SYNDIG1: variants seen among roughly 807,000 people sequenced by gnomAD.
The protein encoded by SYNDIG1 is synapse differentiation inducing 1.
A neutral mutation model predicts 19.4 loss-of-function variants in SYNDIG1; 9 were observed. The ratio of observed to expected loss-of-function variants is 0.46; its 90% confidence interval spans 0.28 to 0.81. The LOEUF is 0.81. SYNDIG1 is among the 30% of genes least tolerant of loss of function. The pLI is 0.12. For synonymous variants in SYNDIG1, 141 were observed against 145.9 expected, an observed-to-expected ratio of 0.97 and a Z score of 0.24; for missense variants, 311 against 343.3, an observed-to-expected ratio of 0.91 and a Z score of 0.74.
At chr20:24,506,665 C>T (rs2056598765) in intron 1 of SYNDIG1, among the ~76,000 whole-genome samples, 2 of 152,306 alleles carry the variant, frequency 1.3e-5, no homozygotes, top group Admixed American at 1.3e-4. Flanking sequence ...GGATGGGCCA[C>T]ATCTAAAATA....
At chr20:24,626,564 C>G (rs1202169507) in intron 3 of SYNDIG1, among the ~76,000 whole-genome samples, 1 of 151,660 alleles carries the variant, frequency 6.6e-6, no homozygotes, top group Non-Finnish European at 1.5e-5. Context: ...GGATGGCGGC[C>G]GGGCAGAGAC....
At chr20:24,516,704 T>G (rs1057340183) in intron 1 of SYNDIG1, among the ~76,000 whole-genome samples, 4 of 152,212 alleles carry the variant, frequency 2.6e-5, no homozygotes, top group Admixed American at 2.6e-4. Context: ...ATAGGAACAC[T>G]TTTACACTGT....
Position 24,525,483 on chromosome 20 carries a change from G to A in SYNDIG1, c.-78-17537G>A, listed in dbSNP as rs758023787. On this transcript the variant is annotated intron_variant, in intron 1 of 3. Transcript: ENST00000376862. ...ATTTTTAGTAGAGACGGGGTTTCAC[G>A]ATGTGGGCCAGGCTGGTCTCGAACT... Among the ~76,000 whole-genome samples, 9 of 151,760 alleles carry A rather than the reference G, an allele frequency of 5.9e-5. No individual in the cohort carries two copies. The South Asian group carries it at 6.3e-4, about 11-fold the overall frequency.
intron 1 of SYNDIG1, among the ~76,000 whole-genome samples, chr20:24,536,130 G>A (rs535971478): frequency 7.2e-4 from 110 of 152,304 alleles, no homozygotes; most frequent in South Asian, 2.1e-3. Context: ...CAGTGCAGCC[G>A]CGATGACTTG....
chr20:24,636,657 T>C (rs765671506), intron 3 of SYNDIG1, among the ~76,000 whole-genome samples: 3 of 152,206 alleles, frequency 2.0e-5, no homozygotes, highest in Non-Finnish European at 2.9e-5. Context: ...GAGTGCCATG[T>C]TGAACCTGCC....
At chr20:24,621,289 AT>A (rs1455223578) in intron 3 of SYNDIG1, among the ~76,000 whole-genome samples, 2 of 152,122 alleles carry the variant, frequency 1.3e-5, no homozygotes, top group Non-Finnish European at 2.9e-5. Context: ...AAGCTTATCT[AT>A]TTACTTTTGC....
At chr20:24,517,159 G>A (rs568878431) in intron 1 of SYNDIG1, among the ~76,000 whole-genome samples, 2 of 152,158 alleles carry the variant, frequency 1.3e-5, no homozygotes, top group African/African-American at 4.8e-5. Context: ...TTTTGGGTGG[G>A]GGAAGCAGGG....
At chr20:24,608,506 C>T (rs1182476972) in intron 3 of SYNDIG1, among the ~76,000 whole-genome samples, 1 of 152,154 alleles carries the variant, frequency 6.6e-6, no homozygotes, top group African/African-American at 2.4e-5. Context: ...GACAATCCAT[C>T]ACCCGCCAAC....
intron 1 of SYNDIG1, among the ~76,000 whole-genome samples, chr20:24,533,791 G>T (rs6049761): frequency 1.5e-4 from 23 of 152,298 alleles, no homozygotes; most frequent in African/African-American, 5.5e-4. Context: ...AGCCGTGATA[G>T]CACCATCAAT....
At chr20:24,532,486 T>A (rs534253709) in intron 1 of SYNDIG1, among the ~76,000 whole-genome samples, 1 of 152,250 alleles carries the variant, frequency 6.6e-6, no homozygotes, top group African/African-American at 2.4e-5. Context: ...GGGCATGGGG[T>A]GACAGGAATG....
At chr20:24,532,899 G>A (rs1370601329) in intron 1 of SYNDIG1, among the ~76,000 whole-genome samples, 1 of 152,144 alleles carries the variant, frequency 6.6e-6, no homozygotes, top group Non-Finnish European at 1.5e-5. Context: ...AGGACCTTGT[G>A]GAATCCAAAA....
intron 3 of SYNDIG1, among the ~76,000 whole-genome samples, chr20:24,586,232 C>T (rs1192978162): frequency 6.6e-6 from 1 of 152,098 alleles, no homozygotes; most frequent in Non-Finnish European, 1.5e-5. Flanking sequence ...TGGAGGGGCA[C>T]AGTGGGGAAA....
In SYNDIG1 at chr20:24,621,267, A is replaced by G. The variant is rs115720274; in HGVS notation, c.618+36274A>G. On this transcript the variant is annotated intron_variant, in intron 3 of 3. Coordinates refer to ENST00000376862, the MANE Select transcript of SYNDIG1 (RefSeq NM_024893.3). ...GCATCTCACTTGTTATTCTAAAAAC[A>G]AAGTGTTGGGAAAGCTTATCTATTT... 2.5e-3 allele frequency among the ~76,000 whole-genome samples: 378 copies of G among 152,364 alleles called. 3 individuals are homozygous for G. Among genetic ancestry groups the G allele is most frequent in the African/African-American group, 8.7e-3 (361 of 41,584 alleles).
intron 3 of SYNDIG1, among the ~76,000 whole-genome samples, chr20:24,640,885 G>A (rs182673001): frequency 8.5e-5 from 13 of 152,312 alleles, no homozygotes; most frequent in Middle Eastern, 3.4e-3. Flanking sequence ...CATGGAGGGC[G>A]CATGGGCAGG....
At chr20:24,500,179 T>A (rs2056404683) in intron 1 of SYNDIG1, among the ~76,000 whole-genome samples, 1 of 152,176 alleles carries the variant, frequency 6.6e-6, no homozygotes, top group Non-Finnish European at 1.5e-5. Context: ...CTCTCGGTGA[T>A]GGTGATGTTT....
chr20:24,576,178 G>A (rs73905115), intron 2 of SYNDIG1, among the ~76,000 whole-genome samples: 7 of 152,150 alleles, frequency 4.6e-5, no homozygotes, highest in Admixed American at 4.6e-4. Flanking sequence ...GGGCACAAAG[G>A]TACATATATC....
intron 1 of SYNDIG1, among the ~76,000 whole-genome samples, chr20:24,484,543 G>A (rs559901530): frequency 6.6e-6 from 1 of 152,266 alleles, no homozygotes; most frequent in East Asian, 1.9e-4. Flanking sequence ...AGCCCACCTG[G>A]GTTCAAGGGG....
chr20:24,481,211 T>C (rs2055787695), intron 1 of SYNDIG1, among the ~76,000 whole-genome samples: 1 of 152,246 alleles, frequency 6.6e-6, no homozygotes, highest in Admixed American at 6.5e-5. Flanking sequence ...TCTGATCTAC[T>C]GTTGCATAAC....
chr20:24,608,486 T>C (rs2058796921), intron 3 of SYNDIG1, among the ~76,000 whole-genome samples: 1 of 152,026 alleles, frequency 6.6e-6, no homozygotes, highest in African/African-American at 2.4e-5. Context: ...ACCAATAAAA[T>C]CTTAACAGTG....
Sources: gnomAD v4.1 joint callset for allele counts (sites outside exome capture counted in the v4.1 genomes callset) on GRCh38, gnomAD v4.1.1 for gene constraint, MANE v1.5 for transcripts, NCBI Gene and HGNC (gene_info 2026-07-23, HGNC 2026-07-21) for gene names.